Variants in PEX13 observed in about 807,000 individuals in gnomAD.
PEX13 encodes peroxisome biogenesis factor 13.
Under a neutral mutation model 34.5 loss-of-function variants are expected in PEX13, and 28 were observed. The observed-to-expected ratio is 0.81, with a 90% CI of 0.60 to 1.11. The LOEUF (loss-of-function observed/expected upper bound fraction) is 1.11. Ranked by LOEUF, PEX13 falls within the 50% of genes most tolerant of loss-of-function variation. The pLI is 0.00. For missense variants in PEX13, 550 were observed against 491.0 expected, an observed-to-expected ratio of 1.12 and a Z score of -1.13; for synonymous variants, 177 against 175.1, an observed-to-expected ratio of 1.01 and a Z score of -0.09.
chr2:61,022,000 C>G (rs1190456353), intron 1 of PEX13, among the ~76,000 whole-genome samples: 3 of 152,132 alleles, frequency 2.0e-5, no homozygotes, highest in South Asian at 2.1e-4. Context: ...AAAAGGACAT[C>G]CACACCAAAA....
At chr2:61,039,186 T>C (rs1294804952) in intron 2 of PEX13, among the ~76,000 whole-genome samples, 1 of 152,158 alleles carries the variant, frequency 6.6e-6, no homozygotes, top group Admixed American at 6.6e-5. Context: ...AATTTATAGA[T>C]GCAATGCTAT....
intron 1 of PEX13, among the ~76,000 whole-genome samples, chr2:61,020,388 T>C (rs1464754066): frequency 6.8e-6 from 1 of 147,422 alleles, no homozygotes; most frequent in Non-Finnish European, 1.5e-5. Flanking sequence ...CAGAATGCTA[T>C]TGATTTTTTT....
intron 1 of PEX13, chr2:61,018,398 A>G: frequency 1.5e-6 from 2 of 1,375,120 alleles, no homozygotes; most frequent in South Asian, 3.0e-5. Context: ...GCAACTTTAA[A>G]GCAGGAGTTC....
chr2:61,021,838 C>T (rs1463324705), intron 1 of PEX13, among the ~76,000 whole-genome samples: 1 of 152,170 alleles, frequency 6.6e-6, no homozygotes, highest in Non-Finnish European at 1.5e-5. Flanking sequence ...GATCAGGCAG[C>T]AATATTTGCT....
At chr2:61,029,496 A>T (rs1680415988) in intron 1 of PEX13, among the ~76,000 whole-genome samples, 1 of 152,222 alleles carries the variant, frequency 6.6e-6, no homozygotes, top group Non-Finnish European at 1.5e-5. Context: ...AAAAACTTGT[A>T]CATAAATGGT....
chr2:61,043,424 G>C (rs1424174007), intron 2 of PEX13, among the ~76,000 whole-genome samples: 2 of 151,586 alleles, frequency 1.3e-5, no homozygotes, highest in Non-Finnish European at 2.9e-5. Context: ...GGAAATGACT[G>C]AAGAATTAGC....
Position 61,031,641 on chromosome 2 carries a change from C to CA in PEX13, c.317dup (p.Asn106LysfsTer7), listed in dbSNP as rs1164724374. On this transcript the variant is annotated frameshift_variant, in exon 2 of 4. Coordinates refer to ENST00000295030, the MANE Select transcript of PEX13 (RefSeq NM_002618.4). LOFTEE classifies it high-confidence loss of function. ...GTTATGGATATAATGGGCTGGGCTA[C>CA]AACCGCCTCCGTGTAGATGATCTTC... 6.2e-7 allele frequency: 1 copy of CA among 1,614,016 alleles called. No homozygotes were observed. Among genetic ancestry groups the CA allele is most frequent in the Non-Finnish European group, 8.5e-7 (1 of 1,180,006 alleles).
At position 61,048,456 on chromosome 2, in the gene PEX13, CT is replaced by C. The variant is rs36090948; in HGVS notation, c.914-8del. 5 of 1,607,312 alleles carry C rather than the reference CT, an allele frequency of 3.1e-6. No homozygotes were observed. Among genetic ancestry groups the C allele is most frequent in the Non-Finnish European group, 3.4e-6 (4 of 1,174,804 alleles). ...AAGTATATTGTAATTACAAGACTGTCTTTTTTTTCCATCAGAACAACAACCC... is the reference window on the plus strand; with the variant it reads ...AAGTATATTGTAATTACAAGACTGTCTTTTTTTCCATCAGAACAACAACCC... On this transcript the variant is annotated splice_polypyrimidine_tract_variant and intron_variant, in intron 3 of 3. Transcript: ENST00000295030.
At chr2:61,035,374 G>A (rs946009294) in intron 2 of PEX13, among the ~76,000 whole-genome samples, 1 of 152,174 alleles carries the variant, frequency 6.6e-6, no homozygotes, top group Admixed American at 6.5e-5. Context: ...GGAGAAACCA[G>A]AGCAGAAAAC....
chr2:61,050,629 T>C lies in PEX13; in HGVS notation c.*1859T>C, dbSNP rs986462027. The C allele has an allele frequency of 6.6e-6, 1 of 152,296 alleles. No homozygotes were observed. Among genetic ancestry groups the C allele is most frequent in the Admixed American group, 6.5e-5 (1 of 15,276 alleles). The allele number at this position is 152,296 out of a possible 1,614,324, so 9.4% of individuals were successfully genotyped here. A position where few individuals can be genotyped will look rare whatever the true frequency, so the allele number is the denominator to read the frequency against. Reference sequence around the variant, plus strand: ...TTGTGATTTAGTATTTTTTCTTTTGTCTTTTTTTGAAACGGAGTCTCACTC... The same window carrying C: ...TTGTGATTTAGTATTTTTTCTTTTGCCTTTTTTTGAAACGGAGTCTCACTC... On this transcript the variant is annotated 3_prime_UTR_variant, in exon 4 of 4. Transcript: ENST00000295030.
At chr2:61,019,871 G>C (rs958531557) in intron 1 of PEX13, among the ~76,000 whole-genome samples, 2 of 152,118 alleles carry the variant, frequency 1.3e-5, no homozygotes, top group Non-Finnish European at 2.9e-5. Flanking sequence ...ATTTTTATTG[G>C]AACTGAGCTG....
Position 61,018,197 on chromosome 2 carries a change from C to G in PEX13, c.92+346C>G, listed in dbSNP as rs1308872990. Reference sequence around the variant, plus strand: ...CTATCTTTAAAGCGTAGACTTTGGTCTGTAGCAGTTGAGAGCGGCATTTGT... The same window carrying G: ...CTATCTTTAAAGCGTAGACTTTGGTGTGTAGCAGTTGAGAGCGGCATTTGT... On this transcript the variant is annotated intron_variant, in intron 1 of 3. Coordinates refer to ENST00000295030, the MANE Select transcript of PEX13 (RefSeq NM_002618.4). 3 of 1,550,962 alleles carry G rather than the reference C, an allele frequency of 1.9e-6. No individual in the cohort carries two copies. In the Admixed American group the frequency reaches 5.9e-5, roughly 30 times the overall value.
chr2:61,030,156 A>C (rs902844944), intron 1 of PEX13, among the ~76,000 whole-genome samples: 1 of 152,220 alleles, frequency 6.6e-6, no homozygotes, highest in African/African-American at 2.4e-5. Flanking sequence ...GAAAGAAGCC[A>C]GTCACAAAAT....
chr2:61,036,815 A>G (rs1680543119), intron 2 of PEX13, among the ~76,000 whole-genome samples: 1 of 152,228 alleles, frequency 6.6e-6, no homozygotes, highest in Admixed American at 6.5e-5. Context: ...AAATGCCCCA[A>G]TTAAAAGACA....
At chr2:61,043,501 C>T (rs77000601) in intron 2 of PEX13, among the ~76,000 whole-genome samples, 3,019 of 152,160 alleles carry the variant, frequency 0.02, 97 homozygotes, top group African/African-American at 0.068. Flanking sequence ...ACACTGATTC[C>T]GTACAACCTG....
intron 2 of PEX13, among the ~76,000 whole-genome samples, chr2:61,033,227 A>G (rs1200030209): frequency 6.6e-6 from 1 of 152,114 alleles, no homozygotes; most frequent in African/African-American, 2.4e-5. Context: ...TACTTAATAG[A>G]TATTTATTAA....
chr2:61,038,739 T>G (rs1485802738), intron 2 of PEX13, among the ~76,000 whole-genome samples: 1 of 152,178 alleles, frequency 6.6e-6, no homozygotes, highest in Non-Finnish European at 1.5e-5. Flanking sequence ...CAACATGGTG[T>G]TAGAAGTTCT....
intron 2 of PEX13, among the ~76,000 whole-genome samples, chr2:61,040,807 T>C (rs1680612018): frequency 6.8e-6 from 1 of 147,878 alleles, no homozygotes; most frequent in African/African-American, 2.5e-5. Flanking sequence ...TATATAAGTA[T>C]ATATGTATAT....
At chr2:61,027,988 C>T (rs1357107655) in intron 1 of PEX13, among the ~76,000 whole-genome samples, 1 of 152,180 alleles carries the variant, frequency 6.6e-6, no homozygotes, top group African/African-American at 2.4e-5. Flanking sequence ...TAGAAAATTA[C>T]CATTTTGCAG....
Sources: allele counts gnomAD v4.1 joint callset (sites outside exome capture counted in the v4.1 genomes callset), GRCh38; gene constraint gnomAD v4.1.1; transcripts MANE v1.5; gene names NCBI Gene and HGNC (gene_info 2026-07-23, HGNC 2026-07-21).